The following BBS9 variants were observed in gnomAD, a reference collection of about 807,000 sequenced individuals.
BBS9 encodes the protein Bardet-Biedl syndrome 9.
BBS9 carries 89 observed loss-of-function variants against 117.7 expected under a neutral mutation model. The observed-to-expected ratio is 0.76, with a 90% CI of 0.64 to 0.90. The LOEUF (loss-of-function observed/expected upper bound fraction) is 0.90. BBS9 is among the 40% of genes least tolerant of loss of function. The pLI is 0.00. For synonymous variants in BBS9, 379 were observed against 370.9 expected (o/e 1.02, Z -0.25); for missense variants, 982 against 1,042.2 (o/e 0.94, Z 0.80).
At chr7:33,221,706 G>C (rs1790269129) in intron 5 of BBS9, among the ~76,000 whole-genome samples, 1 of 152,020 alleles carries the variant, frequency 6.6e-6, no homozygotes, top group Non-Finnish European at 1.5e-5. Context: ...ATTTTTAATT[G>C]TTTGTAAACT....
chr7:33,172,039 G>A (rs986443623), intron 4 of BBS9, among the ~76,000 whole-genome samples: 2 of 151,960 alleles, frequency 1.3e-5, no homozygotes, highest in Non-Finnish European at 2.9e-5. Context: ...GGAGAAGGGA[G>A]CATATTGGGC....
Position 33,391,348 on chromosome 7 carries a change from G to GT in BBS9, c.2115+3212dup, listed in dbSNP as rs199594519. 4.7e-4 allele frequency among the ~76,000 whole-genome samples: 72 copies of GT among 151,768 alleles called. No individual in the cohort carries two copies. In the East Asian group the frequency reaches 0.012, roughly 25 times the overall value. ...AAATTAGATCTGCTACCTGTTTAGC[G>GT]TTTTTTTTCCTCCTGTGATGGGATC... On this transcript the variant is annotated intron_variant, in intron 19 of 22. Coordinates refer to ENST00000242067, the MANE Select transcript of BBS9 (RefSeq NM_198428.3).
intron 21 of BBS9, among the ~76,000 whole-genome samples, chr7:33,574,350 ACTATG>A (rs895114277): frequency 7.9e-5 from 12 of 152,138 alleles, no homozygotes; most frequent in Non-Finnish European, 1.6e-4. Context: ...CACAGTGCTT[ACTATG>A]TGCTGGCCAC....
At chr7:33,151,308 G>A (rs968183071) in intron 2 of BBS9, among the ~76,000 whole-genome samples, 12 of 151,742 alleles carry the variant, frequency 7.9e-5, no homozygotes, top group African/African-American at 2.2e-4. Context: ...TTGCATGCCT[G>A]CAGTTTATTT....
At chr7:33,529,478 C>A (rs1203111217) in intron 20 of BBS9, among the ~76,000 whole-genome samples, 2 of 88,656 alleles carry the variant, frequency 2.3e-5, no homozygotes, top group Non-Finnish European at 4.4e-5. Flanking sequence ...CTAGACTAGA[C>A]AAAGTAAACC....
chr7:33,388,556 A>C (rs1001688362), intron 19 of BBS9, among the ~76,000 whole-genome samples: 3 of 152,232 alleles, frequency 2.0e-5, no homozygotes, highest in Non-Finnish European at 4.4e-5. Context: ...CAACTGGCTC[A>C]TACTTCTAGT....
At chr7:33,327,192 A>G (rs535047398) in intron 9 of BBS9, among the ~76,000 whole-genome samples, 1 of 152,168 alleles carries the variant, frequency 6.6e-6, no homozygotes, top group Non-Finnish European at 1.5e-5. Context: ...TTATTCTGGC[A>G]GAATAGAAAA....
rs1248984371 is a variant in BBS9, at chr7:33,357,936, G to A, written c.1634G>A (p.Ser545Asn). 6.2e-7 allele frequency: 1 copy of A among 1,612,462 alleles called. No homozygotes were observed. The highest frequency in any genetic ancestry group is 8.5e-7 in the Non-Finnish European group (1 of 1,178,996). Reference sequence around the variant, plus strand: ...CCAGGTCAGCCTTCAAAAACTGCAAGCCACAAAATTACTATTGATACCAAC... The same window carrying A: ...CCAGGTCAGCCTTCAAAAACTGCAAACCACAAAATTACTATTGATACCAAC... ...CLPGQPSKTA[S>N]HKITIDTNKS... Residue 545 changes from serine (S) to asparagine (N), a missense_variant, in exon 16 of 23, where the codon AGC (serine) becomes AAC (asparagine). Physicochemically the swap from Ser to Asn is conservative, Grantham distance 46. Coordinates refer to ENST00000242067, the MANE Select transcript of BBS9 (RefSeq NM_198428.3).
At chr7:33,563,045 T>A (rs1856329696) in intron 21 of BBS9, among the ~76,000 whole-genome samples, 1 of 152,174 alleles carries the variant, frequency 6.6e-6, no homozygotes, top group Non-Finnish European at 1.5e-5. Context: ...TAGGTATAAT[T>A]ATTATTATAG....
rs749841788 is a variant in BBS9 at position 33,388,064 on chromosome 7, C to T, written c.2035C>T (p.Arg679Trp). The change falls in exon 19 of 23, where the codon CGG becomes TGG. Residue 679 changes from arginine (R) to tryptophan (W), a missense_variant. Physicochemically the swap from Arg to Trp is moderately radical, Grantham distance 101. Transcript: ENST00000242067. Reference protein sequence around the residue: ...RAVQFRAIQRRLLARFKDKTP... With the variant: ...RAVQFRAIQRWLLARFKDKTP... ...TGTACAATTTCGGGCCATTCAACGC[C>T]GGCTACTAGCAAGATTCAAAGATAA... The T allele has an allele frequency of 5.6e-5, 90 of 1,613,964 alleles. No individual in the cohort carries two copies. The highest frequency in any genetic ancestry group is 6.5e-5 in the Non-Finnish European group (77 of 1,179,998).
chr7:33,517,906 A>G (rs1848036781), intron 20 of BBS9, among the ~76,000 whole-genome samples: 1 of 152,198 alleles, frequency 6.6e-6, no homozygotes, highest in South Asian at 2.1e-4. Context: ...ATAAATGTAG[A>G]TTTATATTTT....
In BBS9 at chr7:33,152,710, T is replaced by C. The variant is rs1381039813; in HGVS notation, c.122T>C (p.Ile41Thr). The C allele has an allele frequency of 6.2e-7, 1 of 1,612,886 alleles. No homozygotes were observed. Among genetic ancestry groups the C allele is most frequent in the Non-Finnish European group, 8.5e-7 (1 of 1,179,260 alleles). ...TTTAAATTCTCTACAGATAAAATAA[T>C]TGTGGGTAGCTTTATGGGATACCTA... ...DNSGNGQDKIIVGSFMGYLRI... is the reference protein window; with the variant it reads ...DNSGNGQDKITVGSFMGYLRI... Residue 41 changes from isoleucine (I) to threonine (T), a missense_variant, in exon 3 of 23, where the codon ATT (isoleucine) becomes ACT (threonine). Physicochemically the swap from Ile to Thr is moderately conservative, Grantham distance 89. Transcript: ENST00000242067.
intron 9 of BBS9, among the ~76,000 whole-genome samples, chr7:33,315,911 G>A (rs906855309): frequency 1.3e-5 from 2 of 151,924 alleles, no homozygotes; most frequent in Non-Finnish European, 1.5e-5. Context: ...TCAACCTTCT[G>A]GTGTGCTTGC....
chr7:33,398,924 C>T (rs1478360804), intron 19 of BBS9, among the ~76,000 whole-genome samples: 7 of 152,108 alleles, frequency 4.6e-5, no homozygotes, highest in African/African-American at 1.4e-4. Flanking sequence ...GTGACCCATC[C>T]GCCTTGGCCT....
chr7:33,154,067 A>G (rs954160643), intron 3 of BBS9, among the ~76,000 whole-genome samples: 3 of 152,192 alleles, frequency 2.0e-5, no homozygotes, highest in Non-Finnish European at 4.4e-5. Context: ...AACGTTGTTA[A>G]GTAGATAGTA....
At chr7:33,324,717 C>T (rs1245955798) in intron 9 of BBS9, among the ~76,000 whole-genome samples, 1 of 151,588 alleles carries the variant, frequency 6.6e-6, no homozygotes, top group Non-Finnish European at 1.5e-5. Context: ...ATTTCTCCTT[C>T]ACGTTTGATG....
intron 20 of BBS9, among the ~76,000 whole-genome samples, chr7:33,532,121 C>G: frequency 6.6e-6 from 1 of 152,182 alleles, no homozygotes; most frequent in East Asian, 1.9e-4. Flanking sequence ...TCTCAGAGCC[C>G]CAAAGAGGGC....
At chr7:33,290,595 T>C (rs1280429869) in intron 9 of BBS9, among the ~76,000 whole-genome samples, 2 of 152,224 alleles carry the variant, frequency 1.3e-5, no homozygotes, top group Non-Finnish European at 2.9e-5. Flanking sequence ...TTACAGAGTT[T>C]TATTAAACTA....
At chr7:33,299,328 C>T (rs570884709) in intron 9 of BBS9, among the ~76,000 whole-genome samples, 11 of 152,056 alleles carry the variant, frequency 7.2e-5, no homozygotes, top group African/African-American at 2.4e-4. Context: ...TATTCAATTT[C>T]TATGTAATAT....
Sources: allele counts gnomAD v4.1 joint callset (sites outside exome capture counted in the v4.1 genomes callset), GRCh38; gene constraint gnomAD v4.1.1; transcripts MANE v1.5; gene names NCBI Gene and HGNC (gene_info 2026-07-23, HGNC 2026-07-21).